Variants in ACAD9 observed in about 807,000 individuals in gnomAD.
ACAD9 encodes the protein acyl-CoA dehydrogenase family member 9.
A neutral mutation model predicts 70.2 loss-of-function variants in ACAD9; 53 were observed. That is an observed-to-expected ratio of 0.75 (90% confidence interval 0.61 to 0.95). The LOEUF (loss-of-function observed/expected upper bound fraction) is 0.95, where lower values mean the gene tolerates loss of function less well. ACAD9 is among the 40% of genes least tolerant of loss of function. The pLI is 0.00. For missense variants in ACAD9, 777 were observed against 802.8 expected (o/e 0.97, Z 0.39); for synonymous variants, 313 against 312.1 (o/e 1.00, Z -0.03).
chr3:128,880,127 G>C, intron 1 of ACAD9: 1 of 1,018,254 alleles, frequency 9.8e-7, no homozygotes, highest in Non-Finnish European at 1.4e-6. Context: ...TAACAAAGCA[G>C]CCTTCATCTC....
Position 128,902,105 on chromosome 3 carries a change from C to CA in ACAD9, c.883-448_883-447insA, listed in dbSNP as rs1339691854. ...ATACCACATTTTGTTCATCCATTCA[C>CA]CAGCTGATGGACATTGGGGTTGTTA... On this transcript the variant is annotated intron_variant, in intron 8 of 17. Coordinates refer to ENST00000308982, the MANE Select transcript of ACAD9 (RefSeq NM_014049.5). The surrounding 1 kb of genome is among the most constrained non-coding windows in gnomAD (Gnocchi z 4.0). Among the ~76,000 whole-genome samples the CA allele has an allele frequency of 6.6e-6, 1 of 152,226 alleles. No individual in the cohort carries two copies. The highest frequency in any genetic ancestry group is 1.5e-5 in the Non-Finnish European group (1 of 68,040).
intron 7 of ACAD9, 71 bp from the exon 8 acceptor site, chr3:128,901,205 T>TGGATGGATGGA: frequency 1.6e-5 from 22 of 1,379,174 alleles, no homozygotes; most frequent in South Asian, 5.8e-5. Context: ...GATGGATGAA[T>TGGATGGATGGA]TGCCTGCTTG....
Position 128,890,157 on chromosome 3 carries a change from G to A in ACAD9, c.245-3398G>A, listed in dbSNP as rs955320913. 8.6e-5 allele frequency among the ~76,000 whole-genome samples: 13 copies of A among 151,396 alleles called. 1 individual carries two copies. The highest frequency in any genetic ancestry group is 4.2e-4 in the South Asian group (2 of 4,796). On this transcript the variant is annotated intron_variant, in intron 2 of 17. Transcript: ENST00000308982. ...TCCTTTTTTTTTGAGATGCCATCTCGACTCACTGCAACCTCCATCTCCCAG... is the reference window on the plus strand; with the variant it reads ...TCCTTTTTTTTTGAGATGCCATCTCAACTCACTGCAACCTCCATCTCCCAG...
At chr3:128,903,966 C>T in intron 9 of ACAD9, 96 bp from the exon 10 acceptor site, 2 of 1,295,856 alleles carry the variant, frequency 1.5e-6, no homozygotes, top group Non-Finnish European at 2.2e-6. Context: ...TCTCACAGTG[C>T]CCACCTGTGG....
At chr3:128,883,422 A>G (rs1044537689) in intron 1 of ACAD9, among the ~76,000 whole-genome samples, 5 of 150,792 alleles carry the variant, frequency 3.3e-5, no homozygotes, top group Non-Finnish European at 5.9e-5. Flanking sequence ...CAATGGCGCA[A>G]TCTCGGCTCA....
intron 1 of ACAD9, among the ~76,000 whole-genome samples, chr3:128,881,501 C>T (rs191567073): frequency 6.6e-6 from 1 of 152,336 alleles, no homozygotes; most frequent in African/African-American, 2.4e-5. Context: ...CATTAGACTC[C>T]AGGTCTTCTC....
At chr3:128,906,901 G>C (rs557776540) in intron 12 of ACAD9, among the ~76,000 whole-genome samples, 1 of 152,300 alleles carries the variant, frequency 6.6e-6, no homozygotes, top group East Asian at 1.9e-4. Flanking sequence ...GCCACAAAAC[G>C]TCTTTAAGCA....
chr3:128,883,774 T>C (rs1935164911), intron 1 of ACAD9, among the ~76,000 whole-genome samples: 1 of 152,244 alleles, frequency 6.6e-6, no homozygotes, highest in East Asian at 1.9e-4. Context: ...CCTGTGGTCC[T>C]GGGCCCAGAG....
intron 2 of ACAD9, among the ~76,000 whole-genome samples, chr3:128,885,075 A>G (rs1935207854): frequency 6.6e-6 from 1 of 152,244 alleles, no homozygotes; most frequent in Admixed American, 6.5e-5. Context: ...CCCATGGAGC[A>G]TGTGTTGGTT....
chr3:128,909,759 G>A lies in ACAD9; in HGVS notation c.1564-262G>A, dbSNP rs538291427. 4.5e-4 allele frequency: 275 copies of A among 609,636 alleles called. 1 individual carries two copies. In the South Asian group the frequency reaches 5.1e-3, roughly 11 times the overall value. The allele number at this position is 609,636 out of a possible 1,614,324, so 37.8% of individuals were successfully genotyped here. A position where few individuals can be genotyped will look rare whatever the true frequency, so the allele number is the denominator to read the frequency against. ...TGCTGCTGAAGGTGGCAGTAGCACA[G>A]TAAGCACTGGCTTCTGGTCTCAGCC... On this transcript the variant is annotated intron_variant, in intron 15 of 17. Transcript: ENST00000308982.
chr3:128,895,470 A>T (rs1254602485), intron 4 of ACAD9, 54 bp downstream of exon 4: 5 of 1,499,002 alleles, frequency 3.3e-6, no homozygotes, highest in East Asian at 2.4e-5. Context: ...CTGGAGTCAC[A>T]TGGAGGCATA....
At chr3:128,910,486 C>G (rs1243130281) in intron 16 of ACAD9, among the ~76,000 whole-genome samples, 3 of 152,194 alleles carry the variant, frequency 2.0e-5, no homozygotes, top group African/African-American at 7.2e-5. Flanking sequence ...CCTGCACTTT[C>G]CAGAGCACCT....
chr3:128,905,803 G>A (rs992636494), intron 11 of ACAD9, among the ~76,000 whole-genome samples: 1 of 152,112 alleles, frequency 6.6e-6, no homozygotes, highest in Non-Finnish European at 1.5e-5. Context: ...AAGAAATCAC[G>A]GCCGCTGGGG....
In ACAD9 at chr3:128,910,447, T is replaced by A. The variant is rs538289686; in HGVS notation, c.1693-294T>A. The stretch of plus-strand genomic sequence containing the variant: ...GCTGGAGGGAGGCGGGTGCAGTCTC[T>A]GAGGACCCACTGTATACCAGGATCT... On this transcript the variant is annotated intron_variant, in intron 16 of 17. Transcript: ENST00000308982. 2,831 of 1,051,748 alleles carry A rather than the reference T, an allele frequency of 2.7e-3. 20 individuals carry two copies. Among genetic ancestry groups the A allele is most frequent in the Non-Finnish European group, 2.5e-3 (1,864 of 742,782 alleles). 65.2% of individuals were successfully genotyped at this position (1,051,748 alleles called of 1,614,324 possible).
intron 17 of ACAD9, among the ~76,000 whole-genome samples, chr3:128,912,296 A>G (rs1423160696): frequency 3.9e-5 from 6 of 152,198 alleles, no homozygotes; most frequent in Non-Finnish European, 8.8e-5. Flanking sequence ...AGAGATGAGC[A>G]GGATGAGTCC....
intron 7 of ACAD9, 91 bp from the exon 8 acceptor site, chr3:128,901,185 T>G: frequency 8.6e-7 from 1 of 1,169,454 alleles, no homozygotes. Flanking sequence ...GATGGATGGA[T>G]GGATGGATGG....
At position 128,897,905 on chromosome 3, in the gene ACAD9, G is replaced by A. The variant is rs181035261; in HGVS notation, c.633+195G>A. On this transcript the variant is annotated intron_variant, in intron 6 of 17. Coordinates refer to ENST00000308982, the MANE Select transcript of ACAD9 (RefSeq NM_014049.5). ...GATGGAGTCTCTGTCACCCAGGCTGGAGTGCAGTGGTGTAATCTCAGCTCA... is the reference window on the plus strand; with the variant it reads ...GATGGAGTCTCTGTCACCCAGGCTGAAGTGCAGTGGTGTAATCTCAGCTCA... 3.9e-5 allele frequency among the ~76,000 whole-genome samples: 6 copies of A among 152,212 alleles called. No homozygotes were observed. In the East Asian group the frequency reaches 1.2e-3, roughly 29 times the overall value.
intron 2 of ACAD9, among the ~76,000 whole-genome samples, chr3:128,888,597 G>A (rs1202035813): frequency 6.6e-6 from 1 of 151,912 alleles, no homozygotes; most frequent in Non-Finnish European, 1.5e-5. Context: ...ATAAAAACTA[G>A]TTTTGATCCT....
chr3:128,908,386 C>A, intron 13 of ACAD9, 122 bp downstream of exon 13: 2 of 1,222,012 alleles, frequency 1.6e-6, no homozygotes, highest in Non-Finnish European at 1.2e-6. Flanking sequence ...TGTGGCGCAG[C>A]CTTGTGGAGG....
Sources: allele counts gnomAD v4.1 joint callset (sites outside exome capture counted in the v4.1 genomes callset), GRCh38; gene constraint gnomAD v4.1.1; non-coding constraint Gnocchi (gnomAD v3.1); transcripts MANE v1.5; gene names NCBI Gene and HGNC (gene_info 2026-07-23, HGNC 2026-07-21).